The following SGCZ variants were observed in gnomAD, a reference collection of about 807,000 sequenced individuals.
SGCZ encodes sarcoglycan zeta.
SGCZ carries 40 observed loss-of-function variants against 41.3 expected under a neutral mutation model. That is an observed-to-expected ratio of 0.97 (90% CI 0.75 to 1.26). The LOEUF (loss-of-function observed/expected upper bound fraction) is 1.26. Ranked by LOEUF, SGCZ falls within the 50% of genes most tolerant of loss-of-function variation. The pLI, the probability that SGCZ is intolerant of heterozygous loss-of-function variation, is 0.00. For missense variants in SGCZ, 552 were observed against 369.8 expected, an observed-to-expected ratio of 1.49 and a Z score of -4.04; for synonymous variants, 206 against 137.5, an observed-to-expected ratio of 1.50 and a Z score of -3.49.
chr8:14,912,323 G>A (rs2130778612), intron 1 of SGCZ, among the ~76,000 whole-genome samples: 1 of 151,950 alleles, frequency 6.6e-6, no homozygotes, highest in South Asian at 2.1e-4. Context: ...TACCCAAAAT[G>A]ACAGAGATCT....
chr8:14,381,283 G>T (rs1026005548), intron 2 of SGCZ, among the ~76,000 whole-genome samples: 2 of 152,174 alleles, frequency 1.3e-5, no homozygotes, highest in Non-Finnish European at 2.9e-5. Flanking sequence ...AGCTAGGAAG[G>T]TTCAGAGAGA....
rs534760625 is a variant in SGCZ, at chr8:14,566,316, G to A, written c.40-11390C>T. ...GGTAGAGGCAGACAGGAAATGGGAA[G>A]GAGTACAGCATTCAATGGCACAAAC... On this transcript the variant is annotated intron_variant, in intron 1 of 7. Transcript: ENST00000382080. 9.2e-5 allele frequency among the ~76,000 whole-genome samples: 14 copies of A among 152,310 alleles called. No homozygotes were observed. In the South Asian group the frequency reaches 2.5e-3, roughly 27 times the overall value.
intron 1 of SGCZ, among the ~76,000 whole-genome samples, chr8:14,665,975 C>T (rs1199052141): frequency 6.6e-6 from 1 of 152,166 alleles, no homozygotes; most frequent in Admixed American, 6.6e-5. Context: ...AAAAATTGAA[C>T]GTCATCCCAC....
chr8:14,730,524 G>A (rs1210373798), intron 1 of SGCZ, among the ~76,000 whole-genome samples: 2 of 151,964 alleles, frequency 1.3e-5, no homozygotes, highest in Non-Finnish European at 2.9e-5. Flanking sequence ...ACGTGACAAT[G>A]AACTCAGAAG....
intron 2 of SGCZ, among the ~76,000 whole-genome samples, chr8:14,499,061 A>G (rs1802073439): frequency 1.3e-5 from 2 of 151,868 alleles, no homozygotes; most frequent in South Asian, 4.1e-4. Flanking sequence ...TCTCCATTTA[A>G]TATTTTGACC....
intron 1 of SGCZ, among the ~76,000 whole-genome samples, chr8:14,892,201 T>C (rs969871643): frequency 2.0e-5 from 3 of 152,194 alleles, no homozygotes; most frequent in Non-Finnish European, 4.4e-5. Context: ...GTCACTTTAC[T>C]TTATTAGGCC....
intron 1 of SGCZ, among the ~76,000 whole-genome samples, chr8:14,572,560 G>C (rs528609864): frequency 6.6e-6 from 1 of 152,116 alleles, no homozygotes; most frequent in Non-Finnish European, 1.5e-5. Flanking sequence ...ACCTTGAGAA[G>C]TTAAGGAATT....
At chr8:14,734,264 A>G (rs1798961145) in intron 1 of SGCZ, among the ~76,000 whole-genome samples, 1 of 152,226 alleles carries the variant, frequency 6.6e-6, no homozygotes, top group Admixed American at 6.5e-5. Context: ...TAAATTTAGC[A>G]TAAGATGGTA....
At chr8:14,684,851 T>G (rs978148559) in intron 1 of SGCZ, among the ~76,000 whole-genome samples, 2 of 152,108 alleles carry the variant, frequency 1.3e-5, no homozygotes, top group African/African-American at 4.8e-5. Context: ...CAATGCAGCC[T>G]TCACTGAAAC....
intron 2 of SGCZ, among the ~76,000 whole-genome samples, chr8:14,533,227 G>T (rs1803191452): frequency 6.6e-6 from 1 of 150,854 alleles, no homozygotes; most frequent in Admixed American, 6.6e-5. Context: ...TCCCACCTAT[G>T]AGTGAGAACA....
intron 3 of SGCZ, among the ~76,000 whole-genome samples, chr8:14,248,763 T>C (rs530906095): frequency 1.6e-4 from 24 of 151,924 alleles, no homozygotes; most frequent in Admixed American, 3.9e-4. Flanking sequence ...TCTTTTTTTT[T>C]CTCCTAAAAT....
chr8:14,316,390 C>A (rs1266004434), intron 3 of SGCZ, among the ~76,000 whole-genome samples: 1 of 151,884 alleles, frequency 6.6e-6, no homozygotes, highest in Non-Finnish European at 1.5e-5. Context: ...CTTTTCAGGT[C>A]ATTTACTCAA....
At chr8:15,178,409 C>T (rs781746929) in intron 1 of SGCZ, among the ~76,000 whole-genome samples, 1 of 152,098 alleles carries the variant, frequency 6.6e-6, no homozygotes, top group Admixed American at 6.6e-5. Flanking sequence ...TCAATTACCC[C>T]ATGTAGCGAA....
At chr8:14,685,179 T>A (rs1316856568) in intron 1 of SGCZ, among the ~76,000 whole-genome samples, 1 of 152,138 alleles carries the variant, frequency 6.6e-6, no homozygotes. Context: ...TCAAGTTATG[T>A]TCTGCTTGTA....
At chr8:14,751,800 G>A (rs537747847) in intron 1 of SGCZ, among the ~76,000 whole-genome samples, 114 of 93,834 alleles carry the variant, frequency 1.2e-3, no homozygotes, top group Middle Eastern at 5.3e-3. Flanking sequence ...TGCCCACCTC[G>A]GCCTCCCAAA....
chr8:15,131,967 C>T, intron 1 of SGCZ, among the ~76,000 whole-genome samples: 1 of 152,178 alleles, frequency 6.6e-6, no homozygotes. Flanking sequence ...CTAAGCAACT[C>T]TTATTTGTAA....
At chr8:14,185,055 G>A (rs558483603) in intron 4 of SGCZ, among the ~76,000 whole-genome samples, 46 of 152,152 alleles carry the variant, frequency 3.0e-4, no homozygotes, top group African/African-American at 9.9e-4. Context: ...TACAGCAAAT[G>A]CTTTAGTTAT....
intron 1 of SGCZ, among the ~76,000 whole-genome samples, chr8:15,197,962 A>T (rs1466964689): frequency 6.7e-6 from 1 of 149,662 alleles, no homozygotes; most frequent in Non-Finnish European, 1.5e-5. Flanking sequence ...CCATATTTAC[A>T]TTATATATAT....
At position 14,468,078 on chromosome 8, in the gene SGCZ, T is replaced by G. The variant is rs148149910; in HGVS notation, c.234+86654A>C. Among the ~76,000 whole-genome samples, 22 of 152,152 alleles carry G rather than the reference T, an allele frequency of 1.4e-4. No individual in the cohort carries two copies. The East Asian group carries it at 4.3e-3, about 29-fold the overall frequency. The stretch of plus-strand genomic sequence containing the variant: ...AAACATACTTAATTCACAACACATT[T>G]TCACTTACATTTTTTCAAAGAGGTG... On this transcript the variant is annotated intron_variant, in intron 2 of 7. Transcript: ENST00000382080.
Sources: gnomAD v4.1 joint callset for allele counts (sites outside exome capture counted in the v4.1 genomes callset) on GRCh38, gnomAD v4.1.1 for gene constraint, MANE v1.5 for transcripts, NCBI Gene and HGNC (gene_info 2026-07-23, HGNC 2026-07-21) for gene names.